The following KIF3C variants were observed in gnomAD, a reference collection of about 807,000 sequenced individuals.
The protein encoded by KIF3C is kinesin family member 3C.
Under a neutral mutation model 67.7 loss-of-function variants are expected in KIF3C, and 12 were observed. The ratio of observed to expected loss-of-function variants is 0.18; its 90% CI spans 0.11 to 0.29. The LOEUF (loss-of-function observed/expected upper bound fraction) is 0.29. Among genes scored for constraint, KIF3C ranks in the 10% least tolerant of loss-of-function variants. The pLI, the probability that KIF3C is intolerant of heterozygous loss-of-function variation, is 1.00. For synonymous variants in KIF3C, 393 were observed against 426.2 expected, an observed-to-expected ratio of 0.92 and a Z score of 0.96; for missense variants, 789 against 1,059.6, an observed-to-expected ratio of 0.74 and a Z score of 3.55.
chr2:25,947,419 A>T (rs1398859313), intron 5 of KIF3C, among the ~76,000 whole-genome samples: 1 of 151,772 alleles, frequency 6.6e-6, no homozygotes, highest in African/African-American at 2.4e-5. Flanking sequence ...GTCTTTACTA[A>T]AACTACAAAA....
At chr2:25,930,259 CCA>C (rs1348520922) in intron 5 of KIF3C, among the ~76,000 whole-genome samples, 196 bp from the exon 6 acceptor site, 6 of 152,210 alleles carry the variant, frequency 3.9e-5, no homozygotes, top group South Asian at 2.1e-4. Flanking sequence ...GTTTCGCTTT[CCA>C]CAGTCTCAGT....
intron 7 of KIF3C, 48 bp downstream of exon 7, chr2:25,929,257 C>G: frequency 1.3e-6 from 2 of 1,587,660 alleles, no homozygotes; most frequent in Non-Finnish European, 8.6e-7. Flanking sequence ...GCCTGCAGTT[C>G]CCCTGCCTCC....
At chr2:25,966,950 C>T (rs1664157344) in intron 1 of KIF3C, among the ~76,000 whole-genome samples, 1 of 152,196 alleles carries the variant, frequency 6.6e-6, no homozygotes. Context: ...AAGTGATTTG[C>T]TCAAGGTTTG....
intron 1 of KIF3C, among the ~76,000 whole-genome samples, chr2:25,971,966 ATCC>A (rs1278254036): frequency 7.3e-6 from 1 of 137,620 alleles, no homozygotes. Context: ...GCCTCAAGTG[ATCC>A]TCCTACCTCA....
At chr2:25,963,663 A>AAGT (rs1437222646) in intron 1 of KIF3C, among the ~76,000 whole-genome samples, 111 of 129,716 alleles carry the variant, frequency 8.6e-4, no homozygotes, top group African/African-American at 2.5e-3. Context: ...CATAGGCATG[A>AAGT]AGTATTATTA....
At position 25,928,114 on chromosome 2, in the gene KIF3C, G is replaced by A. The variant is rs991579913; in HGVS notation, c.*864C>T. On this transcript the variant is annotated 3_prime_UTR_variant, in exon 8 of 8. Transcript: ENST00000264712. The stretch of plus-strand genomic sequence containing the variant: ...GCTGCAGGGAGAAATGATCGAAGCA[G>A]GCAGGAGCAGCCTCTTGAAAATGGG... 1.3e-5 allele frequency: 2 copies of A among 152,500 alleles called. No homozygotes were observed. The highest frequency in any genetic ancestry group is 4.8e-5 in the African/African-American group (2 of 41,446). The allele number at this position is 152,500 out of a possible 1,614,324, so 9.4% of individuals were successfully genotyped here. A position where few individuals can be genotyped will look rare whatever the true frequency, so the allele number is the denominator to read the frequency against.
intron 5 of KIF3C, among the ~76,000 whole-genome samples, chr2:25,938,515 G>A (rs13395634): frequency 0.018 from 2,687 of 152,292 alleles, 78 homozygotes; most frequent in African/African-American, 0.06. Flanking sequence ...AAGCTCAGGC[G>A]CTGGGAACAG....
chr2:25,976,017 G>T (rs1172275236), intron 1 of KIF3C, among the ~76,000 whole-genome samples: 1 of 151,980 alleles, frequency 6.6e-6, no homozygotes, highest in Non-Finnish European at 1.5e-5. Flanking sequence ...TGGAATAAAC[G>T]AGATAATCTG....
Sources: allele counts gnomAD v4.1 joint callset (sites outside exome capture counted in the v4.1 genomes callset), GRCh38; gene constraint gnomAD v4.1.1; transcripts MANE v1.5; gene names NCBI Gene and HGNC (gene_info 2026-07-23, HGNC 2026-07-21).